The following ANO6 variants were observed in gnomAD, a reference collection of about 807,000 sequenced individuals.
ANO6 encodes the protein anoctamin-6.
Under a neutral mutation model 117.5 loss-of-function variants are expected in ANO6, and 106 were observed. The observed-to-expected ratio is 0.90, with a 90% confidence interval of 0.77 to 1.06. ANO6 has a LOEUF of 1.06. ANO6 is among the 50% of genes least tolerant of loss of function. ANO6 has a pLI of 0.00. For missense variants in ANO6, 955 were observed against 1,121.1 expected (o/e 0.85, Z 2.12); for synonymous variants, 367 against 385.1 (o/e 0.95, Z 0.55).
chr12:45,332,957 C>T (rs1388069579), intron 3 of ANO6, among the ~76,000 whole-genome samples: 1 of 151,840 alleles, frequency 6.6e-6, no homozygotes, highest in African/African-American at 2.4e-5. Flanking sequence ...ATTTTCAAAT[C>T]AATTTTTTTT....
In ANO6 at chr12:45,421,816, G is replaced by A. The variant is rs567076301; in HGVS notation, c.2420+543G>A. On this transcript the variant is annotated intron_variant, in intron 18 of 19. Coordinates refer to ENST00000320560, the MANE Select transcript of ANO6 (RefSeq NM_001025356.3). The stretch of plus-strand genomic sequence containing the variant: ...AAAATATTCCAAAGTTCTCTGCATC[G>A]ATTTTAATGGCTGGTGAGTTCAACA... Among the ~76,000 whole-genome samples, 12 of 152,168 alleles carry A rather than the reference G, an allele frequency of 7.9e-5. 1 individual carries two copies. The highest frequency in any genetic ancestry group is 1.9e-4 in the African/African-American group (8 of 41,448).
At chr12:45,284,673 T>C (rs1390655782) in intron 1 of ANO6, among the ~76,000 whole-genome samples, 1 of 152,226 alleles carries the variant, frequency 6.6e-6, no homozygotes, top group East Asian at 1.9e-4. Flanking sequence ...TTTATTTACC[T>C]AAAGCCTTCA....
chr12:45,236,401 GC>G (rs1357186818), intron 1 of ANO6, among the ~76,000 whole-genome samples: 1 of 151,996 alleles, frequency 6.6e-6, no homozygotes, highest in African/African-American at 2.4e-5. Flanking sequence ...CTTCTAATAG[GC>G]CCTGGTGTGT....
chr12:45,304,640 T>A (rs961601311), intron 2 of ANO6, among the ~76,000 whole-genome samples: 2 of 152,342 alleles, frequency 1.3e-5, no homozygotes, highest in East Asian at 3.9e-4. Flanking sequence ...CTAGTGTTTT[T>A]ATACAATGGG....
chr12:45,293,487 C>T (rs184776612), intron 1 of ANO6, among the ~76,000 whole-genome samples: 5 of 151,422 alleles, frequency 3.3e-5, no homozygotes, highest in East Asian at 4.0e-4. Flanking sequence ...GCAAATTTTG[C>T]TTATAAAAAT....
chr12:45,359,030 C>T (rs1190868367), intron 8 of ANO6, among the ~76,000 whole-genome samples: 5 of 152,260 alleles, frequency 3.3e-5, no homozygotes, highest in East Asian at 1.9e-4. Context: ...GTGATCCGCC[C>T]GCCTCGGCCT....
At position 45,391,118 on chromosome 12, in the gene ANO6, C is replaced by CA. The variant is rs199907373; in HGVS notation, c.1386+630dup. On this transcript the variant is annotated intron_variant, in intron 12 of 19. Coordinates refer to ENST00000320560, the MANE Select transcript of ANO6 (RefSeq NM_001025356.3). ...TGGGTAACAGAGCAAGACTCCATCT[C>CA]AAAAAAAAAATAAATAAAATGTCTA... Among the ~76,000 whole-genome samples the CA allele has an allele frequency of 4.6e-3, 657 of 144,320 alleles. 8 individuals carry two copies. Among genetic ancestry groups the CA allele is most frequent in the African/African-American group, 0.014 (561 of 39,346 alleles). 94.7% of individuals were successfully genotyped at this position (144,320 alleles called of 152,430 possible). A position where few individuals can be genotyped will look rare whatever the true frequency, so the allele number is the denominator to read the frequency against.
chr12:45,320,852 A>G (rs935326293), intron 2 of ANO6, among the ~76,000 whole-genome samples: 4 of 152,104 alleles, frequency 2.6e-5, no homozygotes, highest in Non-Finnish European at 4.4e-5. Flanking sequence ...TCGTTGAATT[A>G]ATCCCTTTAC....
intron 2 of ANO6, among the ~76,000 whole-genome samples, chr12:45,320,450 G>A (rs529863395): frequency 0.023 from 3,451 of 152,158 alleles, 111 homozygotes; most frequent in African/African-American, 0.075. Context: ...TCTTAATCCT[G>A]AGTTCTAATT....
chr12:45,318,257 G>A (rs1483760836), intron 2 of ANO6, among the ~76,000 whole-genome samples: 2 of 152,238 alleles, frequency 1.3e-5, no homozygotes, highest in Middle Eastern at 3.4e-3. Context: ...ATGGTTTTAG[G>A]TCTAACATTT....
chr12:45,380,835 G>A (rs377462474), intron 10 of ANO6, among the ~76,000 whole-genome samples: 1 of 152,100 alleles, frequency 6.6e-6, no homozygotes, highest in Non-Finnish European at 1.5e-5. Flanking sequence ...AGCCAGGTGT[G>A]ATGGTGCACA....
chr12:45,393,226 C>G (rs1055257858), intron 12 of ANO6, among the ~76,000 whole-genome samples: 2 of 152,044 alleles, frequency 1.3e-5, no homozygotes, highest in African/African-American at 4.8e-5. Context: ...CCAATTCGAT[C>G]AAGTGGAAGA....
intron 1 of ANO6, among the ~76,000 whole-genome samples, chr12:45,286,374 A>C (rs1430773017): frequency 2.0e-5 from 3 of 152,176 alleles, no homozygotes; most frequent in African/African-American, 7.2e-5. Flanking sequence ...TAAAACATCC[A>C]TCCAGAAGGA....
intron 9 of ANO6, among the ~76,000 whole-genome samples, chr12:45,377,494 T>C (rs1942059422): frequency 6.6e-6 from 1 of 152,174 alleles, no homozygotes; most frequent in Non-Finnish European, 1.5e-5. Flanking sequence ...CATCTGTCAG[T>C]GATGGTAGAA....
At chr12:45,227,284 A>C (rs1947498727) in intron 1 of ANO6, among the ~76,000 whole-genome samples, 1 of 152,198 alleles carries the variant, frequency 6.6e-6, no homozygotes, top group Non-Finnish European at 1.5e-5. Context: ...CCGTTTACTG[A>C]TCTTAGATGC....
At chr12:45,347,381 A>G (rs1222659949) in intron 4 of ANO6, 1 of 387,114 alleles carries the variant, frequency 2.6e-6, no homozygotes, top group Non-Finnish European at 4.6e-6. Flanking sequence ...AAAATAGTTT[A>G]TGGTAAAAAA....
intron 19 of ANO6, among the ~76,000 whole-genome samples, chr12:45,427,765 C>G (rs1161582320): frequency 6.7e-6 from 1 of 149,504 alleles, no homozygotes; most frequent in Non-Finnish European, 1.5e-5. Flanking sequence ...CCTGATCCAG[C>G]CTGGGCAACA....
At chr12:45,383,700 T>C (rs1942224446) in intron 10 of ANO6, among the ~76,000 whole-genome samples, 1 of 152,212 alleles carries the variant, frequency 6.6e-6, no homozygotes, top group South Asian at 2.1e-4. Flanking sequence ...AAGAGTAATT[T>C]TTTATGAACA....
intron 3 of ANO6, among the ~76,000 whole-genome samples, chr12:45,336,903 C>T (rs1010301305): frequency 2.0e-5 from 3 of 151,914 alleles, no homozygotes; most frequent in African/African-American, 7.3e-5. Context: ...TGTTCCTGCC[C>T]CTGAAGACCT....
Sources: gnomAD v4.1 joint callset for allele counts (sites outside exome capture counted in the v4.1 genomes callset) on GRCh38, gnomAD v4.1.1 for gene constraint, MANE v1.5 for transcripts, NCBI Gene and HGNC (gene_info 2026-07-23, HGNC 2026-07-21) for gene names.